The following ITK variants were observed in gnomAD, a reference collection of about 807,000 sequenced individuals.
ITK encodes the protein IL2 inducible T cell kinase, also known as tyrosine-protein kinase ITK/TSK.
A neutral mutation model predicts 87.6 loss-of-function variants in ITK; 45 were observed. The observed-to-expected ratio is 0.51, with a 90% CI of 0.40 to 0.66. ITK has a LOEUF of 0.66. Ranked by LOEUF, ITK falls within the 30% of genes least tolerant of loss-of-function variation. ITK has a pLI of 0.00. For synonymous variants in ITK, 303 were observed against 273.6 expected (o/e 1.11, Z -1.06); for missense variants, 605 against 766.3 (o/e 0.79, Z 2.48).
intron 1 of ITK, among the ~76,000 whole-genome samples, chr5:157,207,209 C>A (rs1411760346): frequency 6.6e-6 from 1 of 151,862 alleles, no homozygotes; most frequent in Non-Finnish European, 1.5e-5. Context: ...ACTAATTTGC[C>A]TTCAGTATTT....
chr5:157,223,273 A>G (rs1287810848), intron 6 of ITK, among the ~76,000 whole-genome samples: 1 of 152,074 alleles, frequency 6.6e-6, no homozygotes, highest in African/African-American at 2.4e-5. Flanking sequence ...AACTCATCTA[A>G]AAAACCCCCT....
chr5:157,211,380 C>G lies in ITK; in HGVS notation c.325+12C>G, dbSNP rs1472554637. The G allele has an allele frequency of 1.3e-6, 2 of 1,598,664 alleles. No individual in the cohort carries two copies. Among genetic ancestry groups the G allele is most frequent in the African/African-American group, 2.7e-5 (2 of 74,658 alleles). ...GGCCCTTAAAGAAGGTAATTAAACT[C>G]CTTTGCCATTGAATCACTGACACTC... On this transcript the variant is annotated intron_variant, in intron 3 of 16. Transcript: ENST00000422843.
At chr5:157,195,213 G>C (rs1334768315) in intron 1 of ITK, 1 of 152,166 alleles carries the variant, frequency 6.6e-6, no homozygotes, top group Non-Finnish European at 1.5e-5. Context: ...CCAAGAAAAG[G>C]CTGTTCTAAT....
intron 5 of ITK, among the ~76,000 whole-genome samples, chr5:157,220,017 C>G (rs571983799): frequency 6.6e-6 from 1 of 152,222 alleles, no homozygotes; most frequent in Admixed American, 6.5e-5. Flanking sequence ...TCCAATGCAA[C>G]GGTTCTCTTG....
At chr5:157,233,955 A>C (rs1364547100) in intron 8 of ITK, among the ~76,000 whole-genome samples, 4 of 24,646 alleles carry the variant, frequency 1.6e-4, no homozygotes, top group Non-Finnish European at 3.1e-4. Flanking sequence ...ATATATATAT[A>C]TATATATATT....
intron 1 of ITK, among the ~76,000 whole-genome samples, chr5:157,194,262 C>T (rs904860133): frequency 1.2e-4 from 19 of 152,178 alleles, no homozygotes; most frequent in African/African-American, 4.6e-4. Flanking sequence ...TCTTTGGTGA[C>T]TTTGCAGAGT....
At chr5:157,201,148 A>G (rs1387718523) in intron 1 of ITK, among the ~76,000 whole-genome samples, 2 of 152,028 alleles carry the variant, frequency 1.3e-5, no homozygotes, top group African/African-American at 4.8e-5. Context: ...CAAATCCAAC[A>G]CTCTTTGTGA....
At chr5:157,237,877 T>C (rs1416085447) in intron 8 of ITK, among the ~76,000 whole-genome samples, 2 of 152,182 alleles carry the variant, frequency 1.3e-5, no homozygotes, top group Non-Finnish European at 2.9e-5. Flanking sequence ...TATGTCTCTG[T>C]CTCCATTCAT....
intron 7 of ITK, among the ~76,000 whole-genome samples, chr5:157,231,333 C>T (rs1754647824): frequency 6.6e-6 from 1 of 152,228 alleles, no homozygotes; most frequent in African/African-American, 2.4e-5. Flanking sequence ...TATTTACCCA[C>T]CATGCTGGTG....
At chr5:157,230,293 T>C (rs938199740) in intron 7 of ITK, among the ~76,000 whole-genome samples, 30 of 152,228 alleles carry the variant, frequency 2.0e-4, no homozygotes, top group Non-Finnish European at 2.9e-4. Flanking sequence ...ATATGATGGT[T>C]CTTTTACACT....
intron 3 of ITK, chr5:157,213,821 G>C (rs1233643706): frequency 5.6e-6 from 2 of 358,810 alleles, no homozygotes; most frequent in Non-Finnish European, 1.1e-5. Context: ...GGTGGGGGGT[G>C]GTAATTCCAC....
intron 15 of ITK, among the ~76,000 whole-genome samples, chr5:157,247,303 C>G (rs1219406423): frequency 6.6e-6 from 1 of 152,190 alleles, no homozygotes; most frequent in Non-Finnish European, 1.5e-5. Context: ...ACTTTGTTAA[C>G]CAGGTTTAAG....
At chr5:157,196,840 A>C (rs914555164) in intron 1 of ITK, among the ~76,000 whole-genome samples, 9 of 152,224 alleles carry the variant, frequency 5.9e-5, no homozygotes, top group Non-Finnish European at 5.9e-5. Context: ...CGTTCTTTCA[A>C]ACTCATTTAA....
chr5:157,209,328 C>CA (rs34768868), intron 2 of ITK, among the ~76,000 whole-genome samples: 23,292 of 122,456 alleles, frequency 0.19, 2,087 homozygotes, highest in South Asian at 0.3. Context: ...GAGACTCCGT[C>CA]AAAAAAAAAA....
chr5:157,250,746 A>G (rs994177414), intron 16 of ITK, among the ~76,000 whole-genome samples: 6 of 152,030 alleles, frequency 3.9e-5, no homozygotes, highest in East Asian at 1.9e-4. Context: ...CAGGCAATCA[A>G]TCCACCTCAG....
chr5:157,243,694 C>A lies in ITK; in HGVS notation c.1132C>A (p.His378Asn), dbSNP rs1246381273. 6.2e-7 allele frequency: 1 copy of A among 1,613,756 alleles called. No individual in the cohort carries two copies. The highest frequency in any genetic ancestry group is 8.5e-7 in the Non-Finnish European group (1 of 1,179,928). ...TGGCAGTGGGCAATTTGGGTTGGTG[C>A]ATCTGGGCTACTGGCTCAACAAGGA... The part of the protein sequence containing the change: ...EIGSGQFGLV[H>N]LGYWLNKDKV... Residue 378 changes from histidine to asparagine, a missense_variant, in exon 12 of 17, where the codon CAT becomes AAT. His to Asn is a moderately conservative substitution (Grantham distance 68). Around this residue, in one of 3 missense-constraint regions of ITK, gnomAD observed 464 missense variants for 578.0 expected, o/e 0.80. Coordinates refer to ENST00000422843, the MANE Select transcript of ITK (RefSeq NM_005546.4).
intron 16 of ITK, among the ~76,000 whole-genome samples, chr5:157,250,523 G>GTT (rs35837721): frequency 2.1e-5 from 3 of 144,188 alleles, no homozygotes; most frequent in African/African-American, 2.5e-5. Flanking sequence ...GTGGGGTTTT[G>GTT]TTTTTTTTTT....
At chr5:157,248,786 G>A in intron 15 of ITK, 64 bp from the exon 16 acceptor site, 1 of 1,580,074 alleles carries the variant, frequency 6.3e-7, no homozygotes, top group Non-Finnish European at 8.7e-7. Flanking sequence ...TCTAGAGGCA[G>A]GTTGGTTTGT....
chr5:157,240,229 C>T (rs755099007), intron 10 of ITK, 34 bp downstream of exon 10: 1 of 1,608,274 alleles, frequency 6.2e-7, no homozygotes, highest in Admixed American at 1.7e-5. Context: ...CCCGGGCCGC[C>T]CAGCAGGAGG....
Sources: gnomAD v4.1 joint callset for allele counts (sites outside exome capture counted in the v4.1 genomes callset) on GRCh38, gnomAD v4.1.1 for gene constraint, gnomAD v4.1.1 regional missense constraint, MANE v1.5 for transcripts, NCBI Gene and HGNC (gene_info 2026-07-23, HGNC 2026-07-21) for gene names.